Variants in PTGER4 observed in about 807,000 individuals in gnomAD.
PTGER4 encodes the protein prostaglandin E receptor 4.
Under a neutral mutation model 33.2 loss-of-function variants are expected in PTGER4, and 11 were observed. The observed-to-expected ratio is 0.33, with a 90% CI of 0.21 to 0.55. The LOEUF is 0.55. Ranked by LOEUF, PTGER4 falls within the 20% of genes least tolerant of loss-of-function variation. PTGER4 has a pLI of 0.92. For synonymous variants in PTGER4, 275 were observed against 281.5 expected, an observed-to-expected ratio of 0.98 and a Z score of 0.23; for missense variants, 481 against 650.2, an observed-to-expected ratio of 0.74 and a Z score of 2.83.
intron 2 of PTGER4, chr5:40,685,388 G>A (rs979069388): frequency 2.6e-5 from 26 of 985,218 alleles, no homozygotes; most frequent in Non-Finnish European, 1.2e-5. Context: ...TTTGTTTACT[G>A]TAGGCAAACT....
At chr5:40,736,268 GCAAAACCA>G in the PTGER4 span, among the ~76,000 whole-genome samples, 3 of 152,118 alleles carry the variant, frequency 2.0e-5, no homozygotes, top group African/African-American at 7.2e-5. Context: ...AGAGCATGAG[GCAAAACCA>G]CTGTCATTAA....
the PTGER4 span, among the ~76,000 whole-genome samples, chr5:40,733,249 A>T: frequency 1.3e-5 from 2 of 152,202 alleles, no homozygotes; most frequent in African/African-American, 4.8e-5. Context: ...AGTCTTTGAC[A>T]GCTTTTGAGG....
chr5:40,734,982 C>T, the PTGER4 span, among the ~76,000 whole-genome samples: 2 of 152,142 alleles, frequency 1.3e-5, no homozygotes, highest in African/African-American at 4.8e-5. Flanking sequence ...CAAGCTGAGA[C>T]CTGAGTGACA....
At chr5:40,741,102 C>G in the PTGER4 span, among the ~76,000 whole-genome samples, 1 of 152,202 alleles carries the variant, frequency 6.6e-6, no homozygotes, top group Non-Finnish European at 1.5e-5. Flanking sequence ...TCACAGTTTC[C>G]AACTCTTTGG....
In PTGER4 at chr5:40,681,452, G is replaced by A. The variant is rs780765538; in HGVS notation, c.459G>A (p.Leu153=). Residue 153 remains leucine (L), a synonymous_variant, in exon 2 of 3, where the codon CTG becomes CTA. Coordinates refer to ENST00000302472, the MANE Select transcript of PTGER4 (RefSeq NM_000958.3). The surrounding 1 kb of genome is among the most constrained non-coding windows in gnomAD (Gnocchi z 9.8). ...VYASNVLFCA[L]PNMGLGSSRL... ...CGTCCAACGTGCTCTTTTGCGCGCT[G>A]CCCAACATGGGTCTCGGTAGCTCGC... is the stretch of plus-strand genomic sequence containing the variant. 1.2e-6 allele frequency: 2 copies of A among 1,613,782 alleles called. No homozygotes were observed. Among genetic ancestry groups the A allele is most frequent in the South Asian group, 2.2e-5 (2 of 91,082 alleles).
the PTGER4 span, among the ~76,000 whole-genome samples, chr5:40,708,917 A>G: frequency 6.6e-6 from 1 of 152,192 alleles, no homozygotes; most frequent in African/African-American, 2.4e-5. Flanking sequence ...TATAAACAGA[A>G]CCAAAGACAA....
chr5:40,722,836 G>A, the PTGER4 span, among the ~76,000 whole-genome samples: 5 of 149,432 alleles, frequency 3.3e-5, no homozygotes, highest in African/African-American at 9.9e-5. Context: ...GCCCCCACCC[G>A]GCCAGCTGCC....
the PTGER4 span, among the ~76,000 whole-genome samples, chr5:40,734,962 G>A: frequency 8.5e-5 from 13 of 152,302 alleles, no homozygotes; most frequent in South Asian, 2.7e-3. Flanking sequence ...GGTCTTCCTA[G>A]GAACGCATTC....
At chr5:40,716,957 G>T in the PTGER4 span, among the ~76,000 whole-genome samples, 2 of 152,152 alleles carry the variant, frequency 1.3e-5, no homozygotes, top group Non-Finnish European at 2.9e-5. Context: ...GGCTGGGCAC[G>T]GTGGCTCATA....
the PTGER4 span, among the ~76,000 whole-genome samples, chr5:40,710,201 A>C: frequency 6.6e-6 from 1 of 152,214 alleles, no homozygotes; most frequent in Non-Finnish European, 1.5e-5. Flanking sequence ...AATATCTAGA[A>C]TCTACAAAGA....
intron 2 of PTGER4, among the ~76,000 whole-genome samples, chr5:40,686,091 A>T (rs993029498): frequency 2.6e-5 from 4 of 152,230 alleles, no homozygotes; most frequent in Non-Finnish European, 1.5e-5. Context: ...CTTTACTTGA[A>T]AAAAAGAAAG....
intron 2 of PTGER4, among the ~76,000 whole-genome samples, chr5:40,688,856 T>C (rs887680116): frequency 6.6e-6 from 1 of 152,264 alleles, no homozygotes; most frequent in Admixed American, 6.5e-5. Context: ...TACACACTGC[T>C]GTTCATTCTA....
At chr5:40,731,224 C>T in the PTGER4 span, among the ~76,000 whole-genome samples, 5 of 152,152 alleles carry the variant, frequency 3.3e-5, no homozygotes, top group Non-Finnish European at 7.4e-5. Context: ...TGTCTTTCCT[C>T]CAGCATTAGA....
the PTGER4 span, chr5:40,728,535 T>C: frequency 2.0e-6 from 3 of 1,463,742 alleles, no homozygotes; most frequent in East Asian, 4.7e-5. Flanking sequence ...AGCAACTACA[T>C]AAAAAACCCT....
At chr5:40,744,789 C>T in the PTGER4 span, among the ~76,000 whole-genome samples, 1 of 152,186 alleles carries the variant, frequency 6.6e-6, no homozygotes, top group African/African-American at 2.4e-5. Context: ...GAGGACAATG[C>T]TTTAAGATTT....
chr5:40,693,422 G>T lies in PTGER4; in HGVS notation c.*1044G>T, dbSNP rs528874832. Reference sequence around the variant, plus strand: ...CCTTTAAAATTTAAAAGGATGGCAAGTTGCATCAGAAAGCTTTATTTTGAG... The same window carrying T: ...CCTTTAAAATTTAAAAGGATGGCAATTTGCATCAGAAAGCTTTATTTTGAG... On this transcript the variant is annotated 3_prime_UTR_variant, in exon 3 of 3. Coordinates refer to ENST00000302472, the MANE Select transcript of PTGER4 (RefSeq NM_000958.3). 5 of 985,756 alleles carry T rather than the reference G, an allele frequency of 5.1e-6. No homozygotes were observed. In the South Asian group the frequency reaches 2.3e-4, roughly 46 times the overall value. The allele number at this position is 985,756 out of a possible 1,614,324, so 61.1% of individuals were successfully genotyped here. A position where few individuals can be genotyped will look rare whatever the true frequency, so the allele number is the denominator to read the frequency against.
Position 40,681,408 on chromosome 5 carries a change from A to T in PTGER4, c.415A>T (p.Thr139Ser). 1 of 1,613,890 alleles carries T rather than the reference A, an allele frequency of 6.2e-7. No individual in the cohort carries two copies. The highest frequency in any genetic ancestry group is 8.5e-7 in the Non-Finnish European group (1 of 1,180,012). Residue 139 changes from threonine to serine, a missense_variant, in exon 2 of 3, where the codon ACG becomes TCG. Transcript: ENST00000302472. The surrounding 1 kb of genome is among the most constrained non-coding windows in gnomAD (Gnocchi z 9.8). Reference protein sequence around the residue: ...HYVDKRLAGLTLFAVYASNVL... With the variant: ...HYVDKRLAGLSLFAVYASNVL... Reference sequence around the variant, plus strand: ...CGTGGACAAGCGATTGGCGGGCCTCACGCTCTTTGCAGTCTATGCGTCCAA... The same window carrying T: ...CGTGGACAAGCGATTGGCGGGCCTCTCGCTCTTTGCAGTCTATGCGTCCAA...
At chr5:40,688,240 C>T (rs1232148492) in intron 2 of PTGER4, among the ~76,000 whole-genome samples, 1 of 152,066 alleles carries the variant, frequency 6.6e-6, no homozygotes, top group African/African-American at 2.4e-5. Context: ...TCAGACTTAA[C>T]CAAAATTCTG....
chr5:40,732,911 T>C, the PTGER4 span, among the ~76,000 whole-genome samples: 1 of 152,040 alleles, frequency 6.6e-6, no homozygotes, highest in Non-Finnish European at 1.5e-5. Context: ...CCCGGCCTAA[T>C]ATAACAGATT....
Sources: gnomAD v4.1 joint callset for allele counts (sites outside exome capture counted in the v4.1 genomes callset) on GRCh38, gnomAD v4.1.1 for gene constraint, Gnocchi (gnomAD v3.1) non-coding constraint, MANE v1.5 for transcripts, NCBI Gene and HGNC (gene_info 2026-07-23, HGNC 2026-07-21) for gene names.